The following DFFB variants were observed in gnomAD, a reference collection of about 807,000 sequenced individuals.
DFFB encodes DNA fragmentation factor subunit beta, also known as DNA fragmentation factor 40 kDa subunit.
Under a neutral mutation model 32.7 loss-of-function variants are expected in DFFB, and 29 were observed. The ratio of observed to expected loss-of-function variants is 0.89; its 90% confidence interval spans 0.66 to 1.21. DFFB has a LOEUF of 1.21. Among genes scored for constraint, DFFB ranks in the 50% most tolerant of loss-of-function variants. The pLI, the probability that DFFB is intolerant of heterozygous loss-of-function variation, is 0.00. For synonymous variants in DFFB, 170 were observed against 177.1 expected (o/e 0.96, Z 0.32); for missense variants, 398 against 440.6 (o/e 0.90, Z 0.87).
At position 3,865,779 on chromosome 1, in the gene DFFB, A is replaced by T; in HGVS notation, c.242-33A>T. The T allele has an allele frequency of 6.2e-6, 10 of 1,613,914 alleles. No individual in the cohort carries two copies. Among genetic ancestry groups the T allele is most frequent in the Non-Finnish European group, 8.5e-6 (10 of 1,180,004 alleles). On this transcript the variant is annotated intron_variant, in intron 2 of 6. Coordinates refer to ENST00000378209, the MANE Select transcript of DFFB (RefSeq NM_004402.4). This position sits in a 1 kb window ranked among gnomAD's most constrained non-coding sequence, Gnocchi z 4.7. The stretch of plus-strand genomic sequence containing the variant: ...CGGGGCAGGATGTGTCTTCTGCTGG[A>T]CCGGCACCTTTTGTTTGTCCCATTG...
chr1:3,872,634 C>CCCTGTCCCTGCCGCGGCAGGGACAGGG, intron 6 of DFFB, 62 bp downstream of exon 6: 1 of 1,445,174 alleles, frequency 6.9e-7, no homozygotes, highest in Non-Finnish European at 9.7e-7. Context: ...CCTGCCGTGG[C>CCCTGTCCCTGCCGCGGCAGGGACAGGG]CCTGTCCCTG....
chr1:3,866,026 G>C, intron 3 of DFFB, 26 bp downstream of exon 3: 1 of 1,515,848 alleles, frequency 6.6e-7, no homozygotes, highest in Non-Finnish European at 8.8e-7. Context: ...AGCTGGCAGG[G>C]GAGAGGCTTC....
At chr1:3,868,614 A>ACCACACCAGGCCACACCACACCAAG (rs1645034073) in intron 4 of DFFB, among the ~76,000 whole-genome samples, 2 of 2,990 alleles carry the variant, frequency 6.7e-4, no homozygotes, top group Non-Finnish European at 1.2e-3. Flanking sequence ...ACCATACCAG[A>ACCACACCAGGCCACACCACACCAAG]CCACACCACA....
In DFFB at chr1:3,878,124, G is replaced by C. The variant is rs75763427; in HGVS notation, c.783-5383G>C. Among the ~76,000 whole-genome samples the C allele has an allele frequency of 7.4e-3, 1,129 of 151,816 alleles. 10 individuals carry two copies. The highest frequency in any genetic ancestry group is 0.025 in the African/African-American group (1,046 of 41,428). ...CCCAGTGTGTGGGACGTGGGACAGA[G>C]TTTGGCCATGATGGCTACTCAGTGA... On this transcript the variant is annotated intron_variant, in intron 6 of 6. Coordinates refer to ENST00000378209, the MANE Select transcript of DFFB (RefSeq NM_004402.4).
chr1:3,865,810 A>G lies in DFFB; in HGVS notation c.242-2A>G. 6.2e-7 allele frequency: 1 copy of G among 1,614,158 alleles called. No homozygotes were observed. The highest frequency in any genetic ancestry group is 8.5e-7 in the Non-Finnish European group (1 of 1,180,042). ...ACCTTTTGTTTGTCCCATTGGTGGC[A>G]GATGTGAGCGACATCAGGCGCTTCC... is the stretch of plus-strand genomic sequence containing the variant. On this transcript the variant is annotated splice_acceptor_variant, in intron 2 of 6. Transcript: ENST00000378209. LOFTEE classifies it high-confidence loss of function. The surrounding 1 kb of genome is among the most constrained non-coding windows in gnomAD (Gnocchi z 4.7).
At chr1:3,877,254 C>T (rs34103490) in intron 6 of DFFB, among the ~76,000 whole-genome samples, 22,245 of 151,012 alleles carry the variant, frequency 0.15, 1,722 homozygotes, top group South Asian at 0.17. Flanking sequence ...TTCATTTGTT[C>T]GTGTCTCTTT....
intron 6 of DFFB, 59 bp downstream of exon 6, chr1:3,872,631 T>TGCCCTGTCCCTGCCGC: frequency 7.2e-7 from 1 of 1,397,722 alleles, no homozygotes; most frequent in Non-Finnish European, 1.0e-6. Flanking sequence ...GTCCCTGCCG[T>TGCCCTGTCCCTGCCGC]GGCCCTGTCC....
chr1:3,879,278 G>A (rs959030472), intron 6 of DFFB, among the ~76,000 whole-genome samples: 22 of 152,262 alleles, frequency 1.4e-4, no homozygotes, highest in African/African-American at 4.8e-4. Flanking sequence ...CTGCCTGTGC[G>A]GTTTTCCGGG....
intron 6 of DFFB, among the ~76,000 whole-genome samples, chr1:3,876,154 C>T (rs527708715): frequency 9.9e-5 from 15 of 152,268 alleles, no homozygotes; most frequent in African/African-American, 2.6e-4. Flanking sequence ...CCTGTCTATC[C>T]GAAAGAGATT....
intron 6 of DFFB, among the ~76,000 whole-genome samples, chr1:3,882,244 G>T (rs368448125): frequency 6.9e-6 from 1 of 144,952 alleles, no homozygotes; most frequent in Admixed American, 6.8e-5. Context: ...TTGTAGAGGT[G>T]GGGTTTCACC....
chr1:3,868,678 C>CACCATACCACACCACACCAG (rs1557716277), intron 4 of DFFB, among the ~76,000 whole-genome samples: 9 of 11,672 alleles, frequency 7.7e-4, no homozygotes, highest in South Asian at 2.9e-3. Context: ...CACCACACCA[C>CACCATACCACACCACACCAG]GCCACACCAC....
chr1:3,875,353 T>G (rs562221448), intron 6 of DFFB, among the ~76,000 whole-genome samples: 2 of 152,306 alleles, frequency 1.3e-5, no homozygotes, highest in Non-Finnish European at 1.5e-5. Context: ...GCCTGGGGAT[T>G]GGGGTGTGCG....
In DFFB at chr1:3,860,644, A is replaced by G. The variant is rs1644863373; in HGVS notation, c.241+1800A>G. On this transcript the variant is annotated intron_variant, in intron 2 of 6. Coordinates refer to ENST00000378209, the MANE Select transcript of DFFB (RefSeq NM_004402.4). Reference sequence around the variant, plus strand: ...ACATCAGATACAACCGTGGTACAATATAAAACAGGAACACCGACACTAGTG... The same window carrying G: ...ACATCAGATACAACCGTGGTACAATGTAAAACAGGAACACCGACACTAGTG... 5.9e-5 allele frequency: 13 copies of G among 219,658 alleles called. No homozygotes were observed. In the South Asian group the frequency reaches 6.2e-4, roughly 10 times the overall value. The allele number at this position is 219,658 out of a possible 1,614,324, so 13.6% of individuals were successfully genotyped here.
chr1:3,872,613 A>AC (rs748731886), intron 6 of DFFB, 41 bp downstream of exon 6: 1 of 999,196 alleles, frequency 1.0e-6, no homozygotes, highest in Non-Finnish European at 1.4e-6. Context: ...GAGTGCCTGC[A>AC]GGGCCCTGTC....
chr1:3,883,855 GA>G lies in DFFB; in HGVS notation c.*120del, dbSNP rs1266013540. ...TTTTTGGTCACTCCAGTAGCTCCTG[GA>G]AAAAACCTTAAAAAATGTTTCCTCC... is the stretch of plus-strand genomic sequence containing the variant. On this transcript the variant is annotated 3_prime_UTR_variant, in exon 7 of 7. Transcript: ENST00000378209. The G allele has an allele frequency of 1.3e-6, 1 of 747,110 alleles. No homozygotes were observed. The highest frequency in any genetic ancestry group is 2.7e-5 in the East Asian group (1 of 37,680). 46.3% of individuals were successfully genotyped at this position (747,110 alleles called of 1,614,324 possible). A position where few individuals can be genotyped will look rare whatever the true frequency, so the allele number is the denominator to read the frequency against.
intron 3 of DFFB, among the ~76,000 whole-genome samples, chr1:3,866,774 T>A (rs1264481467): frequency 6.6e-6 from 1 of 152,156 alleles, no homozygotes; most frequent in Non-Finnish European, 1.5e-5. Flanking sequence ...TTTCTGTCTC[T>A]CTGATTTGAT....
At position 3,872,486 on chromosome 1, in the gene DFFB, G is replaced by A; in HGVS notation, c.696G>A (p.Met232Ile). ...GWFSCQGPFD[M>I]DSCLSRHSIN... is the part of the protein sequence containing the mutation. ...TTGGCCCCCAGGGTCCCTTTGACAT[G>A]GACAGCTGCTTATCAAGACACTCCA... is the stretch of plus-strand genomic sequence containing the variant. The change falls in exon 6 of 7, where the codon ATG becomes ATA. Residue 232 changes from methionine to isoleucine, a missense_variant. Transcript: ENST00000378209. 6.2e-7 allele frequency: 1 copy of A among 1,613,816 alleles called. No individual in the cohort carries two copies. The highest frequency in any genetic ancestry group is 8.5e-7 in the Non-Finnish European group (1 of 1,179,934).
intron 6 of DFFB, among the ~76,000 whole-genome samples, chr1:3,879,932 C>T (rs1645302780): frequency 1.3e-5 from 2 of 152,224 alleles, no homozygotes; most frequent in Admixed American, 1.3e-4. Context: ...ATTTGTTTTA[C>T]AGTCACATGC....
In DFFB at chr1:3,885,061, G is replaced by A. The variant is rs1374556892; in HGVS notation, c.*1320G>A. The stretch of plus-strand genomic sequence containing the variant: ...AGTTTCAGGCTTTTATGAGGAAAGC[G>A]TTTCTGTGTAGAAACTGGAAGCTGT... On this transcript the variant is annotated 3_prime_UTR_variant, in exon 7 of 7. Coordinates refer to ENST00000378209, the MANE Select transcript of DFFB (RefSeq NM_004402.4). The A allele has an allele frequency of 1.3e-5, 2 of 152,202 alleles. No individual in the cohort carries two copies. Among genetic ancestry groups the A allele is most frequent in the Non-Finnish European group, 2.9e-5 (2 of 68,042 alleles). The allele number at this position is 152,202 out of a possible 1,614,324, so 9.4% of individuals were successfully genotyped here. A position where few individuals can be genotyped will look rare whatever the true frequency, so the allele number is the denominator to read the frequency against.
Sources: allele counts gnomAD v4.1 joint callset (sites outside exome capture counted in the v4.1 genomes callset), GRCh38; gene constraint gnomAD v4.1.1; non-coding constraint Gnocchi (gnomAD v3.1); transcripts MANE v1.5; gene names NCBI Gene and HGNC (gene_info 2026-07-23, HGNC 2026-07-21).